SLC9A9: variants seen among roughly 807,000 people sequenced by gnomAD.
The protein encoded by SLC9A9 is sodium/hydrogen exchanger 9.
A neutral mutation model predicts 77.8 loss-of-function variants in SLC9A9; 62 were observed. The observed-to-expected ratio is 0.80, with a 90% confidence interval of 0.65 to 0.98. The LOEUF (loss-of-function observed/expected upper bound fraction) is 0.98, where lower values mean the gene tolerates loss of function less well. Ranked by LOEUF, SLC9A9 falls within the 50% of genes least tolerant of loss-of-function variation. The pLI, the probability that SLC9A9 is intolerant of heterozygous loss-of-function variation, is 0.00. For missense variants in SLC9A9, 775 were observed against 774.9 expected (o/e 1.00, Z 0.00); for synonymous variants, 320 against 283.5 (o/e 1.13, Z -1.29).
intron 11 of SLC9A9, among the ~76,000 whole-genome samples, chr3:143,484,908 G>C (rs1181679927): frequency 6.6e-6 from 1 of 152,146 alleles, no homozygotes; most frequent in Non-Finnish European, 1.5e-5. Context: ...GGTAGAGTAG[G>C]AAGTACCAGA....
chr3:143,276,696 A>C (rs1938059260), intron 14 of SLC9A9, among the ~76,000 whole-genome samples: 1 of 152,124 alleles, frequency 6.6e-6, no homozygotes, highest in African/African-American at 2.4e-5. Context: ...AAAATGAACA[A>C]CCTATATCAC....
chr3:143,668,273 CT>C (rs1343482494), intron 5 of SLC9A9, among the ~76,000 whole-genome samples: 6 of 140,352 alleles, frequency 4.3e-5, no homozygotes, highest in Non-Finnish European at 7.5e-5. Context: ...TAGGTGGGAA[CT>C]AAACAATGAG....
chr3:143,317,903 A>ATTT (rs753040961), intron 14 of SLC9A9, among the ~76,000 whole-genome samples: 43 of 152,006 alleles, frequency 2.8e-4, no homozygotes, highest in Non-Finnish European at 5.1e-4. Flanking sequence ...AATTTTTTGT[A>ATTT]TTTTTAGTAG....
At chr3:143,586,318 G>T (rs1054130395) in intron 6 of SLC9A9, among the ~76,000 whole-genome samples, 4 of 152,184 alleles carry the variant, frequency 2.6e-5, no homozygotes, top group African/African-American at 7.2e-5. Flanking sequence ...AACAGGAAAA[G>T]ATCCACAAGA....
At chr3:143,657,314 C>T (rs931418799) in intron 5 of SLC9A9, among the ~76,000 whole-genome samples, 27 of 152,144 alleles carry the variant, frequency 1.8e-4, no homozygotes, top group African/African-American at 5.8e-4. Flanking sequence ...TAAAACTTTG[C>T]AATTTTATTT....
At chr3:143,836,468 C>G (rs371384157) in intron 1 of SLC9A9, among the ~76,000 whole-genome samples, 3 of 152,134 alleles carry the variant, frequency 2.0e-5, no homozygotes, top group Non-Finnish European at 4.4e-5. Context: ...AGTCAGTTAC[C>G]AACATTTTAA....
intron 4 of SLC9A9, among the ~76,000 whole-genome samples, chr3:143,793,418 T>G (rs1203066353): frequency 6.6e-6 from 1 of 152,182 alleles, no homozygotes; most frequent in Non-Finnish European, 1.5e-5. Context: ...CAATAAAAAT[T>G]TACTATTCTA....
chr3:143,436,830 C>T (rs550896670), intron 12 of SLC9A9, among the ~76,000 whole-genome samples: 33 of 152,326 alleles, frequency 2.2e-4, no homozygotes, highest in Non-Finnish European at 3.8e-4. Flanking sequence ...TTTGTCAGCA[C>T]TGCCACTCTG....
chr3:143,357,828 A>G (rs945439332), intron 14 of SLC9A9, among the ~76,000 whole-genome samples: 1 of 152,190 alleles, frequency 6.6e-6, no homozygotes, highest in Non-Finnish European at 1.5e-5. Context: ...GTCAATCACA[A>G]GGCCACAGCG....
In SLC9A9 at chr3:143,668,937, C is replaced by T. The variant is rs1371765695; in HGVS notation, c.650-16577G>A. On this transcript the variant is annotated intron_variant, in intron 5 of 15. Transcript: ENST00000316549. The stretch of plus-strand genomic sequence containing the variant: ...GTCAATTCTTGTCCTTTCTTGGCCG[C>T]TTTTCAAGAAATCCTGCCCAAGAGG... Among the ~76,000 whole-genome samples the T allele has an allele frequency of 2.0e-5, 3 of 151,958 alleles. No individual in the cohort carries two copies. The South Asian group carries it at 6.2e-4, about 31-fold the overall frequency.
At chr3:143,648,959 C>T (rs1396903328) in intron 6 of SLC9A9, among the ~76,000 whole-genome samples, 1 of 152,186 alleles carries the variant, frequency 6.6e-6, no homozygotes, top group Non-Finnish European at 1.5e-5. Flanking sequence ...CTGTTCATTT[C>T]ACTGGATCCT....
intron 12 of SLC9A9, among the ~76,000 whole-genome samples, chr3:143,465,568 C>A (rs1214479477): frequency 2.0e-5 from 3 of 152,204 alleles, no homozygotes; most frequent in Non-Finnish European, 4.4e-5. Context: ...TATTTGAACT[C>A]ACCTAATAGT....
At chr3:143,558,976 T>C (rs1056229920) in intron 8 of SLC9A9, among the ~76,000 whole-genome samples, 1 of 152,134 alleles carries the variant, frequency 6.6e-6, no homozygotes, top group East Asian at 1.9e-4. Flanking sequence ...AATTGGATCA[T>C]AGGGACAGTT....
At chr3:143,399,039 A>G (rs1243068593) in intron 12 of SLC9A9, among the ~76,000 whole-genome samples, 1 of 152,110 alleles carries the variant, frequency 6.6e-6, no homozygotes, top group Non-Finnish European at 1.5e-5. Context: ...GTACATGCAC[A>G]TATATATCTA....
chr3:143,330,007 A>G (rs377210652), intron 14 of SLC9A9, among the ~76,000 whole-genome samples: 68 of 152,254 alleles, frequency 4.5e-4, no homozygotes, highest in African/African-American at 1.5e-3. Flanking sequence ...AAAAAAAAGA[A>G]AATGCTGGCG....
At chr3:143,707,285 G>T (rs1576672792) in intron 4 of SLC9A9, among the ~76,000 whole-genome samples, 1 of 151,870 alleles carries the variant, frequency 6.6e-6, no homozygotes, top group South Asian at 2.1e-4. Context: ...AAAATATATA[G>T]GGAGGGATAG....
At chr3:143,450,634 C>T (rs1576506792) in intron 12 of SLC9A9, among the ~76,000 whole-genome samples, 1 of 152,164 alleles carries the variant, frequency 6.6e-6, no homozygotes, top group East Asian at 1.9e-4. Flanking sequence ...CTGTTTGAAA[C>T]ATACACATGC....
At chr3:143,735,453 T>C (rs1432581274) in intron 4 of SLC9A9, among the ~76,000 whole-genome samples, 3 of 152,144 alleles carry the variant, frequency 2.0e-5, no homozygotes, top group Non-Finnish European at 2.9e-5. Flanking sequence ...AAAGTAATGT[T>C]GGAGATGAAG....
chr3:143,487,193 G>C (rs1007120954), intron 11 of SLC9A9, among the ~76,000 whole-genome samples: 9 of 143,456 alleles, frequency 6.3e-5, no homozygotes, highest in Admixed American at 4.1e-4. Flanking sequence ...ATTAATAAAA[G>C]TTCCAGTACT....
Sources: gnomAD v4.1 joint callset for allele counts (sites outside exome capture counted in the v4.1 genomes callset) on GRCh38, gnomAD v4.1.1 for gene constraint, MANE v1.5 for transcripts, NCBI Gene and HGNC (gene_info 2026-07-23, HGNC 2026-07-21) for gene names.